Variants in ADRM1 observed in about 807,000 individuals in gnomAD.
The protein encoded by ADRM1 is proteasomal ubiquitin receptor ADRM1.
A neutral mutation model predicts 40.1 loss-of-function variants in ADRM1; 2 were observed. The ratio of observed to expected loss-of-function variants is 0.05; its 90% CI spans 0.02 to 0.16. The LOEUF is 0.16. Ranked by LOEUF, ADRM1 falls within the 10% of genes least tolerant of loss-of-function variation. The pLI is 1.00. For synonymous variants in ADRM1, 287 were observed against 240.4 expected, an observed-to-expected ratio of 1.19 and a Z score of -1.79; for missense variants, 467 against 552.5, an observed-to-expected ratio of 0.85 and a Z score of 1.55.
intron 5 of ADRM1, among the ~76,000 whole-genome samples, chr20:62,306,959 G>T (rs1985081931): frequency 6.6e-6 from 1 of 152,202 alleles, no homozygotes; most frequent in Admixed American, 6.5e-5. Flanking sequence ...GTACTTCAGA[G>T]GAGGGTGGCT....
At position 62,303,550 on chromosome 20, in the gene ADRM1, T is replaced by TCCTCTCCGCGC; in HGVS notation, c.-1-17_-1-7dup. 1 of 1,557,030 alleles carries TCCTCTCCGCGC rather than the reference T, an allele frequency of 6.4e-7. No homozygotes were observed. The highest frequency in any genetic ancestry group is 8.7e-7 in the Non-Finnish European group (1 of 1,152,444). On this transcript the variant is annotated splice_polypyrimidine_tract_variant and intron_variant, in intron 1 of 9. Coordinates refer to ENST00000253003, the MANE Select transcript of ADRM1 (RefSeq NM_007002.4). ...CGACAGTGACCGCCGCGTCTCAGCG[T>TCCTCTCCGCGC]CCTCTCCGCGCTTTCAGGATGACGA... is the stretch of plus-strand genomic sequence containing the variant.
At chr20:62,308,509 G>C in intron 9 of ADRM1, 39 bp downstream of exon 9, 1 of 1,573,072 alleles carries the variant, frequency 6.4e-7, no homozygotes, top group Non-Finnish European at 8.6e-7. Flanking sequence ...CAGAGCCAGG[G>C]GCAGGGTCCA....
intron 1 of ADRM1, 155 bp from the exon 2 acceptor site, chr20:62,303,413 G>C (rs1984405099): frequency 9.5e-6 from 7 of 733,368 alleles, no homozygotes; most frequent in Non-Finnish European, 1.5e-5. Context: ...CGTCGTGAGC[G>C]GGGCAAACGC....
Position 62,308,076 on chromosome 20 carries a change from G to C in ADRM1, c.912G>C (p.Ala304=). The C allele has an allele frequency of 6.2e-7, 1 of 1,611,572 alleles. No homozygotes were observed. The highest frequency in any genetic ancestry group is 8.5e-7 in the Non-Finnish European group (1 of 1,179,740). Residue 304 remains alanine (A), a synonymous_variant, in exon 8 of 10, where the codon GCG becomes GCC. Transcript: ENST00000253003. ...PEIMAPILAN[A]DVQERLLPYL... is the part of the protein sequence containing the mutation. The stretch of plus-strand genomic sequence containing the variant: ...TAATGGCTCCCATCCTCGCCAACGC[G>C]GATGTCCAGGAGCGCCTGCTTCCCT...
rs548214631 is a variant in ADRM1 at position 62,308,753 on chromosome 20, C to G, written c.1216C>G (p.Leu406Val). 6.2e-7 allele frequency: 1 copy of G among 1,612,924 alleles called. No homozygotes were observed. Among genetic ancestry groups the G allele is most frequent in the Non-Finnish European group, 8.5e-7 (1 of 1,179,942 alleles). The change falls in exon 10 of 10, where the codon CTG becomes GTG. Residue 406 changes from leucine to valine, a missense_variant. By Grantham distance (32) the Leu-to-Val change is conservative. This residue lies in a region of ADRM1 where 418 missense variants were observed against 474.6 expected (regional missense o/e 0.88). Coordinates refer to ENST00000253003, the MANE Select transcript of ADRM1 (RefSeq NM_007002.4). ...GAAGGACGAAGAGGAGGACATGAGC[C>G]TGGACTGAGCCACGCGCCGTCCTCC... ...DKKDEEEDMS[L>V]D
At chr20:62,306,172 C>A in intron 3 of ADRM1, 25 bp from the exon 4 acceptor site, 1 of 1,599,532 alleles carries the variant, frequency 6.3e-7, no homozygotes. Context: ...CCAGCTCCTG[C>A]CCTTACATGC....
chr20:62,308,406 G>A lies in ADRM1; in HGVS notation c.1053G>A (p.Gln351=). 6.2e-7 allele frequency: 1 copy of A among 1,609,324 alleles called. No homozygotes were observed. Among genetic ancestry groups the A allele is most frequent in the African/African-American group, 1.3e-5 (1 of 75,030 alleles). ...GMFSAALASG[Q]LGPLMCQFGL... ...TCAGCGCAGCCTTGGCCTCGGGGCAGCTGGGCCCCCTCATGTGCCAGTTCG... is the reference window on the plus strand; with the variant it reads ...TCAGCGCAGCCTTGGCCTCGGGGCAACTGGGCCCCCTCATGTGCCAGTTCG... Residue 351 remains glutamine (Q), a synonymous_variant, in exon 9 of 10, where the codon CAG becomes CAA. Transcript: ENST00000253003.
In ADRM1 at chr20:62,306,274, G is replaced by A. The variant is rs2427273; in HGVS notation, c.408G>A (p.Ala136=). ...EYLNNPPMPG[A]LGASGSSGHE... The stretch of plus-strand genomic sequence containing the variant: ...TGAACAACCCCCCGATGCCTGGGGC[G>A]CTGGGGGCCAGCGGAAGCAGCGGCC... Residue 136 remains alanine (A), a synonymous_variant, in exon 4 of 10, where the codon GCG becomes GCA. Coordinates refer to ENST00000253003, the MANE Select transcript of ADRM1 (RefSeq NM_007002.4). 0.9 allele frequency: 1,450,064 copies of A among 1,612,776 alleles called. 655,699 individuals carry two copies. Among genetic ancestry groups the A allele is most frequent in the East Asian group, 0.98 (43,933 of 44,856 alleles).
At position 62,303,621 on chromosome 20, in the gene ADRM1, C is replaced by T; in HGVS notation, c.53C>T (p.Ala18Val). Residue 18 changes from alanine to valine, a missense_variant, in exon 2 of 10, where the codon GCC becomes GTC. This residue lies in a region of ADRM1 where 33 missense variants were observed against 28.8 expected (regional missense o/e 1.15). Coordinates refer to ENST00000253003, the MANE Select transcript of ADRM1 (RefSeq NM_007002.4). ...FPSLVPGSRG[A>V]SNKYLVEFRA... is the part of the protein sequence containing the mutation. ...AGCCTGGTGCCAGGCTCTCGGGGCG[C>T]CTCCAACAAGTACTTGGTGGAGTTT... The T allele has an allele frequency of 2.5e-6, 4 of 1,607,544 alleles. No individual in the cohort carries two copies. Among genetic ancestry groups the T allele is most frequent in the Non-Finnish European group, 3.4e-6 (4 of 1,178,226 alleles).
chr20:62,306,161 G>C (rs373918673), intron 3 of ADRM1, 36 bp from the exon 4 acceptor site: 1 of 1,591,408 alleles, frequency 6.3e-7, no homozygotes. Flanking sequence ...GTGAGCTGGC[G>C]CCAGCTCCTG....
chr20:62,307,865 A>T, intron 7 of ADRM1, 37 bp downstream of exon 7: 1 of 1,573,454 alleles, frequency 6.4e-7, no homozygotes, highest in Non-Finnish European at 8.6e-7. Flanking sequence ...GGTGGGGGGC[A>T]TGGGGCCTGC....
Position 62,307,425 on chromosome 20 carries a change from G to A in ADRM1, c.596G>A (p.Gly199Glu). 2 of 1,608,454 alleles carry A rather than the reference G, an allele frequency of 1.2e-6. No homozygotes were observed. The highest frequency in any genetic ancestry group is 1.7e-6 in the Non-Finnish European group (2 of 1,179,004). The change falls in exon 6 of 10, where the codon GGG becomes GAG. Residue 199 changes from glycine (G) to glutamate (E), a missense_variant. Coordinates refer to ENST00000253003, the MANE Select transcript of ADRM1 (RefSeq NM_007002.4). ...PGLASLLGSS[G>E]PPGSSSSSSS... The stretch of plus-strand genomic sequence containing the variant: ...CTGGCCAGCTTACTGGGGAGCAGTG[G>A]GCCTCCAGGGAGCAGCTCCTCCTCC...
At chr20:62,308,249 C>T (rs991905919) in intron 8 of ADRM1, 71 bp downstream of exon 8, 147 of 1,544,340 alleles carry the variant, frequency 9.5e-5, no homozygotes, top group Non-Finnish European at 1.2e-4. Context: ...GGAGGCCCTG[C>T]CCCACCTTCA....
At chr20:62,307,536 T>C in intron 6 of ADRM1, 60 bp from the exon 7 acceptor site, 1 of 1,598,866 alleles carries the variant, frequency 6.3e-7, no homozygotes, top group Non-Finnish European at 8.5e-7. Flanking sequence ...CCCTGGACCC[T>C]GCGAGTAGGC....
At chr20:62,305,784 C>T in intron 3 of ADRM1, 1 of 206,082 alleles carries the variant, frequency 4.9e-6, no homozygotes, top group Non-Finnish European at 1.0e-5. Flanking sequence ...CTGCCGTGGC[C>T]CTGGGCCGCG....
At chr20:62,305,793 C>T (rs376184963) in intron 3 of ADRM1, 3 of 213,946 alleles carry the variant, frequency 1.4e-5, no homozygotes, top group East Asian at 2.2e-4. Context: ...CCCTGGGCCG[C>T]GGTGTGCTGA....
intron 7 of ADRM1, 38 bp downstream of exon 7, chr20:62,307,866 T>C (rs1388749178): frequency 1.3e-6 from 2 of 1,571,432 alleles, no homozygotes; most frequent in Non-Finnish European, 8.6e-7. Context: ...GTGGGGGGCA[T>C]GGGGCCTGCT....
At chr20:62,305,164 C>G (rs1476887882) in intron 3 of ADRM1, among the ~76,000 whole-genome samples, 1 of 152,224 alleles carries the variant, frequency 6.6e-6, no homozygotes, top group African/African-American at 2.4e-5. Context: ...TTTCCCGGTA[C>G]ACAGATCATT....
intron 3 of ADRM1, 158 bp from the exon 4 acceptor site, chr20:62,306,039 C>T: frequency 2.1e-6 from 2 of 968,954 alleles, no homozygotes; most frequent in Admixed American, 2.9e-5. Context: ...CGTCCCCTCA[C>T]CTGCTGGGCC....
Sources: allele counts gnomAD v4.1 joint callset (sites outside exome capture counted in the v4.1 genomes callset), GRCh38; gene constraint gnomAD v4.1.1; regional missense constraint gnomAD v4.1.1; transcripts MANE v1.5; gene names NCBI Gene and HGNC (gene_info 2026-07-23, HGNC 2026-07-21).